CALCOCO1: variants seen among roughly 807,000 people sequenced by gnomAD.
CALCOCO1 encodes calcium-binding and coiled-coil domain-containing protein 1.
Under a neutral mutation model 86.3 loss-of-function variants are expected in CALCOCO1, and 44 were observed. That is an observed-to-expected ratio of 0.51 (90% CI 0.40 to 0.66). CALCOCO1 has a LOEUF of 0.66. Among genes scored for constraint, CALCOCO1 ranks in the 30% least tolerant of loss-of-function variants. The pLI is 0.00. For synonymous variants in CALCOCO1, 297 were observed against 327.6 expected (o/e 0.91, Z 1.01); for missense variants, 708 against 851.1 (o/e 0.83, Z 2.09).
chr12:53,718,136 A>G (rs1015503744), intron 7 of CALCOCO1, among the ~76,000 whole-genome samples: 3 of 152,226 alleles, frequency 2.0e-5, no homozygotes, highest in Non-Finnish European at 4.4e-5. Flanking sequence ...AGCTCAGAAT[A>G]GTTTCTACTG....
chr12:53,724,003 C>T, intron 3 of CALCOCO1: 1 of 575,870 alleles, frequency 1.7e-6, no homozygotes, highest in Non-Finnish European at 3.1e-6. Context: ...TGAGTGCGTA[C>T]CATGTACCAG....
intron 13 of CALCOCO1, among the ~76,000 whole-genome samples, chr12:53,713,456 G>C (rs189381907): frequency 7.2e-4 from 109 of 152,284 alleles, no homozygotes; most frequent in African/African-American, 2.5e-3. Flanking sequence ...ACTGAAGAGA[G>C]GCTGGGCCTG....
At chr12:53,714,838 C>T in intron 10 of CALCOCO1, 145 bp from the exon 11 acceptor site, 3 of 630,634 alleles carry the variant, frequency 4.8e-6, no homozygotes, top group Non-Finnish European at 8.4e-6. Context: ...CAGGAATTCC[C>T]AACACTTCCT....
intron 7 of CALCOCO1, among the ~76,000 whole-genome samples, chr12:53,717,799 G>A (rs142290837): frequency 1.3e-5 from 2 of 152,286 alleles, no homozygotes; most frequent in East Asian, 3.9e-4. Flanking sequence ...CGAGGTGGGC[G>A]GATCACCTGA....
At position 53,711,844 on chromosome 12, in the gene CALCOCO1, G is replaced by T; in HGVS notation, c.*100C>A. On this transcript the variant is annotated 3_prime_UTR_variant, in exon 15 of 15. Transcript: ENST00000550804. The stretch of plus-strand genomic sequence containing the variant: ...TTCTTAGGGAACAGAATATCATGGA[G>T]CCCAGTGTGATAGAAAATGGGCATG... The T allele has an allele frequency of 9.6e-7, 1 of 1,038,972 alleles. No homozygotes were observed. The highest frequency in any genetic ancestry group is 1.3e-6 in the Non-Finnish European group (1 of 745,872). 64.4% of individuals were successfully genotyped at this position (1,038,972 alleles called of 1,614,324 possible). A position where few individuals can be genotyped will look rare whatever the true frequency, so the allele number is the denominator to read the frequency against.
chr12:53,725,373 G>T, intron 1 of CALCOCO1, 107 bp from the exon 2 acceptor site: 1 of 692,208 alleles, frequency 1.4e-6, no homozygotes, highest in Non-Finnish European at 2.3e-6. Flanking sequence ...CTGGAGATAA[G>T]GCATACCTGG....
At position 53,715,942 on chromosome 12, in the gene CALCOCO1, C is replaced by T. The variant is rs199775097; in HGVS notation, c.1111G>A (p.Ala371Thr). ...TCGGCTATGGTGCGGTCCCTGGCTG[C>T]TGCTGCACTGGCCAACTCCTCCCCA... ...LLGEELASAA[A>T]ARDRTIAELH... Residue 371 changes from alanine (A) to threonine (T), a missense_variant, in exon 9 of 15, where the codon GCA (alanine) becomes ACA (threonine). Physicochemically the swap from Ala to Thr is moderately conservative, Grantham distance 58 (BLOSUM62 0). Transcript: ENST00000550804. 232 of 1,614,116 alleles carry T rather than the reference C, an allele frequency of 1.4e-4. 3 individuals are homozygous for T. In the African/African-American group the frequency reaches 2.9e-3, roughly 20 times the overall value.
intron 5 of CALCOCO1, 180 bp from the exon 6 acceptor site, chr12:53,721,795 C>A: frequency 1.2e-6 from 1 of 837,740 alleles, no homozygotes; most frequent in East Asian, 2.5e-5. Context: ...GCCACCTCCA[C>A]CTTACCCCAG....
At chr12:53,723,461 G>C in intron 4 of CALCOCO1, 132 bp downstream of exon 4, 2 of 889,000 alleles carry the variant, frequency 2.2e-6, no homozygotes, top group Non-Finnish European at 3.6e-6. Flanking sequence ...CCTGGAGGCA[G>C]GACTTTGTCT....
chr12:53,723,309 C>T (rs1421901069), intron 4 of CALCOCO1, among the ~76,000 whole-genome samples: 2 of 152,172 alleles, frequency 1.3e-5, no homozygotes, highest in Non-Finnish European at 2.9e-5. Context: ...CTTTGATCTT[C>T]CTCTAGGGCA....
Position 53,713,701 on chromosome 12 carries a change from C to T in CALCOCO1, c.1791G>A (p.Ser597=), listed in dbSNP as rs200862370. 3.7e-5 allele frequency: 56 copies of T among 1,530,902 alleles called. No individual in the cohort carries two copies. Among genetic ancestry groups the T allele is most frequent in the African/African-American group, 5.6e-5 (4 of 71,928 alleles). The allele number at this position is 1,530,902 out of a possible 1,614,324, so 94.8% of individuals were successfully genotyped here. Residue 597 remains serine (S), a splice_region_variant and synonymous_variant, in exon 13 of 15, where the codon TCG becomes TCA. Transcript: ENST00000550804. The part of the protein sequence containing the change: ...SGPAEDSSSD[S]EAEDEKSVLM... The stretch of plus-strand genomic sequence containing the variant: ...CTGCACAGGCTCCTCCACTGCTCAC[C>T]GAGTCAGAGCTACTGTCCTCAGCTG...
Position 53,711,684 on chromosome 12 carries a change from G to A in CALCOCO1, c.*260C>T, listed in dbSNP as rs1394714518. The A allele has an allele frequency of 1.3e-5, 5 of 371,228 alleles. No homozygotes were observed. The highest frequency in any genetic ancestry group is 6.9e-4 in the Middle Eastern group (1 of 1,448). 23.0% of individuals were successfully genotyped at this position (371,228 alleles called of 1,614,324 possible). On this transcript the variant is annotated 3_prime_UTR_variant, in exon 15 of 15. Coordinates refer to ENST00000550804, the MANE Select transcript of CALCOCO1 (RefSeq NM_020898.3). Reference sequence around the variant, plus strand: ...CACAGGGGAAGGCCTCCTCCATCCCGGTTCCTCCAAAACCACTTTCAGGGG... The same window carrying A: ...CACAGGGGAAGGCCTCCTCCATCCCAGTTCCTCCAAAACCACTTTCAGGGG...
chr12:53,727,015 C>T (rs1946051964), intron 1 of CALCOCO1, among the ~76,000 whole-genome samples: 2 of 152,276 alleles, frequency 1.3e-5, no homozygotes, highest in South Asian at 2.1e-4. Context: ...CATTCTACAC[C>T]TTGGAAGGTC....
chr12:53,714,592 G>T lies in CALCOCO1; in HGVS notation c.1482+6C>A. 1 of 1,611,414 alleles carries T rather than the reference G, an allele frequency of 6.2e-7. No individual in the cohort carries two copies. The highest frequency in any genetic ancestry group is 8.5e-7 in the Non-Finnish European group (1 of 1,177,518). ...CATCCACGGGGCCTGGGTTATGGGT[G>T]CTCACCTGTTTCTCCTCCTGTAACT... On this transcript the variant is annotated splice_donor_region_variant and intron_variant, in intron 11 of 14. Transcript: ENST00000550804.
In CALCOCO1 at chr12:53,716,059, G is replaced by A. The variant is rs749999982; in HGVS notation, c.1006-12C>T. 1 of 1,610,106 alleles carries A rather than the reference G, an allele frequency of 6.2e-7. No individual in the cohort carries two copies. Among genetic ancestry groups the A allele is most frequent in the Non-Finnish European group, 8.5e-7 (1 of 1,179,854 alleles). ...GGCTCCAGCTCGGCCTCAGGAGAAA[G>A]GAGGAGATGGAGATCAGAGTTCCTA... is the stretch of plus-strand genomic sequence containing the variant. On this transcript the variant is annotated splice_polypyrimidine_tract_variant and intron_variant, in intron 8 of 14. Coordinates refer to ENST00000550804, the MANE Select transcript of CALCOCO1 (RefSeq NM_020898.3).
rs535753213 is a variant in CALCOCO1, at chr12:53,710,523, C to T, written c.*1421G>A. On this transcript the variant is annotated 3_prime_UTR_variant, in exon 15 of 15. Transcript: ENST00000550804. ...GGTCCTTAACAAATGCTTTACGATG[C>T]TGTGTATGTGTCTGTCTAGCCTGTG... is the stretch of plus-strand genomic sequence containing the variant. The T allele has an allele frequency of 6.6e-6, 1 of 152,540 alleles. No homozygotes were observed. Among genetic ancestry groups the T allele is most frequent in the South Asian group, 2.1e-4 (1 of 4,820 alleles). The allele number at this position is 152,540 out of a possible 1,614,324, so 9.4% of individuals were successfully genotyped here.
At chr12:53,719,949 G>A in intron 6 of CALCOCO1, 120 bp from the exon 7 acceptor site, 1 of 599,284 alleles carries the variant, frequency 1.7e-6, no homozygotes, top group South Asian at 2.5e-5. Flanking sequence ...TTCACTCTGG[G>A]ATGCATAAAT....
In CALCOCO1 at chr12:53,721,918, C is replaced by A. The variant is rs907768788; in HGVS notation, c.609+107G>T. The A allele has an allele frequency of 1.0e-5, 13 of 1,300,448 alleles. No individual in the cohort carries two copies. In the African/African-American group the frequency reaches 1.6e-4, roughly 16 times the overall value. The allele number at this position is 1,300,448 out of a possible 1,614,324, so 80.6% of individuals were successfully genotyped here. ...AAACCTATTTCCTTGATGCCAGAAC[C>A]ATTGTAAAAGCCCACTAACATCTCT... On this transcript the variant is annotated intron_variant, in intron 5 of 14. Transcript: ENST00000550804.
In CALCOCO1 at chr12:53,713,163, C is replaced by G. The variant is rs560385495; in HGVS notation, c.1835G>C (p.Ser612Thr). Residue 612 changes from serine (S) to threonine (T), a missense_variant, in exon 14 of 15, where the codon AGT (serine) becomes ACT (threonine). By Grantham distance (58) the Ser-to-Thr change is moderately conservative (BLOSUM62 1). Transcript: ENST00000550804. Reference sequence around the variant, plus strand: ...CAGTAAGTTGGCCTCCTCACCCCCACTCTGCACAGCTGCCATCAGGACTGA... The same window carrying G: ...CAGTAAGTTGGCCTCCTCACCCCCAGTCTGCACAGCTGCCATCAGGACTGA... ...EKSVLMAAVQ[S>T]GGEEANLLLP... 1 of 1,614,026 alleles carries G rather than the reference C, an allele frequency of 6.2e-7. No individual in the cohort carries two copies. Among genetic ancestry groups the G allele is most frequent in the South Asian group, 1.1e-5 (1 of 91,086 alleles).
Sources: allele counts gnomAD v4.1 joint callset (sites outside exome capture counted in the v4.1 genomes callset), GRCh38; gene constraint gnomAD v4.1.1; transcripts MANE v1.5; gene names NCBI Gene and HGNC (gene_info 2026-07-23, HGNC 2026-07-21).